The following KIAA0825 variants were observed in gnomAD, a reference collection of about 807,000 sequenced individuals.
The protein encoded by KIAA0825 is uncharacterized protein KIAA0825.
A neutral mutation model predicts 147.6 loss-of-function variants in KIAA0825; 119 were observed. The observed-to-expected ratio is 0.81, with a 90% CI of 0.69 to 0.94. KIAA0825 has a LOEUF of 0.94. KIAA0825 is among the 40% of genes least tolerant of loss of function. The pLI is 0.00. For synonymous variants in KIAA0825, 470 were observed against 518.1 expected, an observed-to-expected ratio of 0.91 and a Z score of 1.26; for missense variants, 1,381 against 1,472.7, an observed-to-expected ratio of 0.94 and a Z score of 1.02.
At chr5:94,172,021 A>T (rs1347250384) in intron 20 of KIAA0825, among the ~76,000 whole-genome samples, 1 of 152,212 alleles carries the variant, frequency 6.6e-6, no homozygotes, top group African/African-American at 2.4e-5. Context: ...AGATAGTGAC[A>T]TGAGATTCTC....
At chr5:94,545,796 A>T (rs1452727071) in intron 2 of KIAA0825, among the ~76,000 whole-genome samples, 1 of 152,184 alleles carries the variant, frequency 6.6e-6, no homozygotes, top group Non-Finnish European at 1.5e-5. Flanking sequence ...AGCTGTGATG[A>T]CTATGGTGAA....
chr5:94,329,391 T>G (rs1781041192), intron 20 of KIAA0825, among the ~76,000 whole-genome samples: 1 of 152,074 alleles, frequency 6.6e-6, no homozygotes, highest in South Asian at 2.1e-4. Context: ...TGAAAGGACA[T>G]AGCATTTCCT....
intron 20 of KIAA0825, among the ~76,000 whole-genome samples, chr5:94,235,881 G>T (rs551795076): frequency 6.6e-6 from 1 of 152,246 alleles, no homozygotes; most frequent in African/African-American, 2.4e-5. Context: ...TCAGTTTATT[G>T]CATGGTTTAC....
intron 20 of KIAA0825, among the ~76,000 whole-genome samples, chr5:94,372,181 C>T (rs1190074638): frequency 6.6e-6 from 1 of 152,226 alleles, no homozygotes; most frequent in East Asian, 1.9e-4. Flanking sequence ...CTCCTGGCTG[C>T]TTTCACAGGC....
intron 20 of KIAA0825, among the ~76,000 whole-genome samples, chr5:94,185,908 C>T (rs1770077731): frequency 6.6e-6 from 1 of 152,152 alleles, no homozygotes; most frequent in Admixed American, 6.5e-5. Flanking sequence ...GCTACCATAA[C>T]ATTATTTGGA....
At chr5:94,230,665 A>G (rs1774611950) in intron 20 of KIAA0825, among the ~76,000 whole-genome samples, 1 of 152,150 alleles carries the variant, frequency 6.6e-6, no homozygotes, top group Non-Finnish European at 1.5e-5. Flanking sequence ...ACAGTCTGCC[A>G]TATTTAACAA....
At chr5:94,244,684 A>G (rs1162729378) in intron 20 of KIAA0825, among the ~76,000 whole-genome samples, 1 of 152,158 alleles carries the variant, frequency 6.6e-6, no homozygotes, top group Non-Finnish European at 1.5e-5. Flanking sequence ...AGGTATAAAA[A>G]TATCAATACC....
Position 94,495,532 on chromosome 5 carries a change from G to A in KIAA0825, c.971-10602C>T, listed in dbSNP as rs149871512. On this transcript the variant is annotated intron_variant, in intron 5 of 20. Transcript: ENST00000682413. ...CCATGTGACATGCATCACCTGCAGT[G>A]ACAGGAGACAGGTACAGAGTCAGAT... Among the ~76,000 whole-genome samples, 296 of 152,326 alleles carry A rather than the reference G, an allele frequency of 1.9e-3. 1 individual carries two copies. The highest frequency in any genetic ancestry group is 6.9e-3 in the African/African-American group (287 of 41,578).
In KIAA0825 at chr5:94,152,882, A is replaced by G. The variant is rs1766683334; in HGVS notation, c.*1125T>C. 1 of 70,026 alleles carries G rather than the reference A, an allele frequency of 1.4e-5. No homozygotes were observed. Among genetic ancestry groups the G allele is most frequent in the Non-Finnish European group, 2.8e-5 (1 of 36,338 alleles). The allele number at this position is 70,026 out of a possible 1,614,324, so 4.3% of individuals were successfully genotyped here. A position where few individuals can be genotyped will look rare whatever the true frequency, so the allele number is the denominator to read the frequency against. ...TATATATATATATATATATATATATATATATATATATATATATATATGGTT... is the reference window on the plus strand; with the variant it reads ...TATATATATATATATATATATATATGTATATATATATATATATATATGGTT... On this transcript the variant is annotated 3_prime_UTR_variant, in exon 21 of 21. Coordinates refer to ENST00000682413, the MANE Select transcript of KIAA0825 (RefSeq NM_001145678.3).
At chr5:94,563,590 A>ATTTATTTT (rs1245926521) in intron 2 of KIAA0825, among the ~76,000 whole-genome samples, 1 of 152,234 alleles carries the variant, frequency 6.6e-6, no homozygotes, top group African/African-American at 2.4e-5. Flanking sequence ...GTAAAACTAT[A>ATTTATTTT]ACAATGACAA....
chr5:94,539,014 G>A (rs1772709603), intron 2 of KIAA0825, among the ~76,000 whole-genome samples: 1 of 152,150 alleles, frequency 6.6e-6, no homozygotes, highest in African/African-American at 2.4e-5. Flanking sequence ...GATGGTTAAG[G>A]CATTCTAAGT....
At chr5:94,162,368 T>C (rs1767666639) in intron 20 of KIAA0825, among the ~76,000 whole-genome samples, 1 of 151,998 alleles carries the variant, frequency 6.6e-6, no homozygotes, top group South Asian at 2.1e-4. Flanking sequence ...GGCATGATCA[T>C]AGTTCATTAT....
chr5:94,555,655 T>C (rs1221078723), intron 2 of KIAA0825, among the ~76,000 whole-genome samples: 1 of 152,186 alleles, frequency 6.6e-6, no homozygotes, highest in East Asian at 1.9e-4. Flanking sequence ...AATTCTGACA[T>C]TGCTTTATTT....
intron 20 of KIAA0825, among the ~76,000 whole-genome samples, chr5:94,342,516 G>A (rs1054256538): frequency 6.6e-6 from 1 of 152,146 alleles, no homozygotes; most frequent in African/African-American, 2.4e-5. Context: ...TTTTAGAAAA[G>A]TCAGTGACAC....
At chr5:94,322,534 C>T (rs1780290345) in intron 20 of KIAA0825, among the ~76,000 whole-genome samples, 1 of 151,876 alleles carries the variant, frequency 6.6e-6, no homozygotes, top group Non-Finnish European at 1.5e-5. Flanking sequence ...GCATGCCTTG[C>T]ACTCCAGCTG....
At chr5:94,615,739 T>C (rs974638574) in intron 1 of KIAA0825, 2 of 152,018 alleles carry the variant, frequency 1.3e-5, no homozygotes, top group Admixed American at 1.3e-4. Flanking sequence ...TATTTATTTA[T>C]GTGGTAAATC....
intron 5 of KIAA0825, among the ~76,000 whole-genome samples, chr5:94,516,911 A>G (rs1767357914): frequency 6.6e-6 from 1 of 152,118 alleles, no homozygotes. Context: ...GACCAGCCTG[A>G]CCAAAATGGC....
intron 20 of KIAA0825, among the ~76,000 whole-genome samples, chr5:94,344,134 C>G (rs1217802780): frequency 6.6e-6 from 1 of 152,076 alleles, no homozygotes; most frequent in African/African-American, 2.4e-5. Flanking sequence ...TCACACATAC[C>G]CCAAGGTTCA....
In KIAA0825 at chr5:94,471,723, A is replaced by C; in HGVS notation, c.1464T>G (p.Ser488=). 6.4e-7 allele frequency: 1 copy of C among 1,552,344 alleles called. No individual in the cohort carries two copies. Among genetic ancestry groups the C allele is most frequent in the Non-Finnish European group, 8.7e-7 (1 of 1,147,114 alleles). Residue 488 remains serine (S), a synonymous_variant, in exon 9 of 21, where the codon TCT becomes TCG. Transcript: ENST00000682413. ...TTGTGTCAAGTTTTTCCATGATGTC[A>C]GAACAAAACTAGGGAGAAATAAATG... ...EQPKKIGKFC[S]DIMEKLDTML...
Sources: allele counts gnomAD v4.1 joint callset (sites outside exome capture counted in the v4.1 genomes callset), GRCh38; gene constraint gnomAD v4.1.1; transcripts MANE v1.5; gene names NCBI Gene and HGNC (gene_info 2026-07-23, HGNC 2026-07-21).